NKAIN1: variants seen among roughly 807,000 people sequenced by gnomAD.
The protein encoded by NKAIN1 is sodium/potassium transporting ATPase interacting 1, also known as sodium/potassium-transporting ATPase subunit beta-1-interacting protein 1.
A neutral mutation model predicts 31.6 loss-of-function variants in NKAIN1; 13 were observed. The observed-to-expected ratio is 0.41, with a 90% CI of 0.27 to 0.65. The LOEUF (loss-of-function observed/expected upper bound fraction) is 0.65. NKAIN1 is among the 30% of genes least tolerant of loss of function. NKAIN1 has a pLI of 0.30. For missense variants in NKAIN1, 193 were observed against 262.2 expected (o/e 0.74, Z 1.82); for synonymous variants, 104 against 109.0 (o/e 0.95, Z 0.28).
intron 1 of NKAIN1, among the ~76,000 whole-genome samples, chr1:31,225,115 C>T (rs977250784): frequency 2.0e-5 from 3 of 148,722 alleles, no homozygotes; most frequent in African/African-American, 7.6e-5. Flanking sequence ...GCAAGCTCCA[C>T]CTCTTGGGTT....
At chr1:31,184,051 G>A (rs751583725) in intron 3 of NKAIN1, 37 bp from the exon 4 acceptor site, 3 of 1,582,036 alleles carry the variant, frequency 1.9e-6, no homozygotes, top group Non-Finnish European at 2.6e-6. Flanking sequence ...GAGTGTGAGG[G>A]AGAGGGAGGG....
intron 4 of NKAIN1, among the ~76,000 whole-genome samples, chr1:31,183,411 G>A (rs1478723728): frequency 6.7e-6 from 1 of 148,484 alleles, no homozygotes; most frequent in Non-Finnish European, 1.5e-5. Context: ...AGGACAGACA[G>A]GCGGAAGACC....
At chr1:31,218,750 C>A (rs1380287128) in intron 1 of NKAIN1, among the ~76,000 whole-genome samples, 1 of 152,236 alleles carries the variant, frequency 6.6e-6, no homozygotes, top group Non-Finnish European at 1.5e-5. Flanking sequence ...TCCCTGATAC[C>A]AACCAGCCCA....
At chr1:31,188,360 C>G (rs917151156) in intron 1 of NKAIN1, 173 bp from the exon 2 acceptor site, 1 of 687,322 alleles carries the variant, frequency 1.5e-6, no homozygotes, top group African/African-American at 1.8e-5. Flanking sequence ...TAAGCCTGAT[C>G]ATCACTTTGG....
chr1:31,192,928 G>C (rs1570454141), intron 1 of NKAIN1, among the ~76,000 whole-genome samples: 1 of 150,192 alleles, frequency 6.7e-6, no homozygotes, highest in Non-Finnish European at 1.5e-5. Context: ...CACTTTGGGA[G>C]GCCAAGGCCA....
chr1:31,232,424 T>TATAGAGAGAGAGAGAGAGAGAGAG (rs1313157898), intron 1 of NKAIN1, among the ~76,000 whole-genome samples: 1 of 16,908 alleles, frequency 5.9e-5, no homozygotes, highest in Non-Finnish European at 1.1e-4. Flanking sequence ...TATATATATA[T>TATAGAGAGAGAGAGAGAGAGAGAG]AGAGAGAGAG....
chr1:31,205,460 C>CA (rs1645416371), intron 1 of NKAIN1, among the ~76,000 whole-genome samples: 1 of 152,088 alleles, frequency 6.6e-6, no homozygotes, highest in African/African-American at 2.4e-5. Flanking sequence ...GGGCACGCCC[C>CA]ACCATGCCCA....
chr1:31,181,241 G>A lies in NKAIN1; in HGVS notation c.*462C>T. 1 of 163,602 alleles carries A rather than the reference G, an allele frequency of 6.1e-6. No homozygotes were observed. The highest frequency in any genetic ancestry group is 1.3e-5 in the Non-Finnish European group (1 of 76,034). 10.1% of individuals were successfully genotyped at this position (163,602 alleles called of 1,614,324 possible). A position where few individuals can be genotyped will look rare whatever the true frequency, so the allele number is the denominator to read the frequency against. On this transcript the variant is annotated 3_prime_UTR_variant, in exon 7 of 7. Coordinates refer to ENST00000373736, the MANE Select transcript of NKAIN1 (RefSeq NM_024522.3). The stretch of plus-strand genomic sequence containing the variant: ...AGACGTCACAGTCAGTGATGGACCT[G>A]CGATTAGAACCCAGGAATCCTGCTC...
At chr1:31,214,168 A>G (rs1421450606) in intron 1 of NKAIN1, among the ~76,000 whole-genome samples, 1 of 152,152 alleles carries the variant, frequency 6.6e-6, no homozygotes, top group East Asian at 1.9e-4. Context: ...TAGGTGAAGG[A>G]TAACAGTCAC....
At position 31,181,850 on chromosome 1, in the gene NKAIN1, C is replaced by G. The variant is rs756711244; in HGVS notation, c.614+10G>C. 6.2e-7 allele frequency: 1 copy of G among 1,602,276 alleles called. No individual in the cohort carries two copies. Among genetic ancestry groups the G allele is most frequent in the East Asian group, 2.2e-5 (1 of 44,568 alleles). ...AGGCCTCCCCAAGCCAGCAGGGGGC[C>G]GTGACCCACGTGTACAGAGGCTGCA... On this transcript the variant is annotated intron_variant, in intron 6 of 6. Transcript: ENST00000373736.
chr1:31,234,160 C>T (rs1252656367), intron 1 of NKAIN1, among the ~76,000 whole-genome samples: 1 of 152,210 alleles, frequency 6.6e-6, no homozygotes, highest in Non-Finnish European at 1.5e-5. Flanking sequence ...GTTGATCATC[C>T]CTGCCAACTC....
chr1:31,222,525 C>A (rs1470204639), intron 1 of NKAIN1, among the ~76,000 whole-genome samples: 1 of 152,296 alleles, frequency 6.6e-6, no homozygotes, highest in Non-Finnish European at 1.5e-5. Flanking sequence ...GGTGGTGACC[C>A]GTCACCAGTG....
intron 1 of NKAIN1, among the ~76,000 whole-genome samples, chr1:31,190,517 GTCCCATCTTGGCACCACCTTT>G (rs1209018460): frequency 1.3e-5 from 2 of 152,186 alleles, no homozygotes; most frequent in Non-Finnish European, 2.9e-5. Context: ...TCAGCCACCT[GTCCCATCTTGGCACCACCTTT>G]TCCCATCTTG....
chr1:31,185,218 C>T (rs772549946), intron 3 of NKAIN1, 29 bp downstream of exon 3: 8 of 1,583,276 alleles, frequency 5.1e-6, no homozygotes, highest in Admixed American at 3.5e-5. Context: ...CAGGCTCTGC[C>T]CTATGGCACT....
intron 1 of NKAIN1, among the ~76,000 whole-genome samples, chr1:31,203,478 A>AAAC (rs1399551291): frequency 6.6e-6 from 1 of 152,102 alleles, no homozygotes; most frequent in Non-Finnish European, 1.5e-5. Context: ...CATAACAACA[A>AAAC]AACAAAGAAT....
At chr1:31,190,972 C>A (rs1443699278) in intron 1 of NKAIN1, among the ~76,000 whole-genome samples, 2 of 152,188 alleles carry the variant, frequency 1.3e-5, no homozygotes, top group Non-Finnish European at 2.9e-5. Context: ...GCTCATGGTG[C>A]AGCTGAGGAG....
intron 1 of NKAIN1, among the ~76,000 whole-genome samples, chr1:31,201,363 T>TA (rs1397465321): frequency 2.0e-5 from 3 of 150,220 alleles, no homozygotes; most frequent in Non-Finnish European, 4.5e-5. Context: ...CTACCCTATT[T>TA]TTTTTTTTTT....
intron 1 of NKAIN1, among the ~76,000 whole-genome samples, chr1:31,237,741 C>T (rs977351091): frequency 6.6e-6 from 1 of 152,052 alleles, no homozygotes; most frequent in Non-Finnish European, 1.5e-5. Flanking sequence ...GGTGATCTGC[C>T]CATCTCGCCC....
At chr1:31,182,472 C>T in intron 5 of NKAIN1, 58 bp downstream of exon 5, 1 of 1,598,366 alleles carries the variant, frequency 6.3e-7, no homozygotes, top group Non-Finnish European at 8.6e-7. Flanking sequence ...AGGCCTCTGT[C>T]CAGGGTGCTG....
Sources: allele counts gnomAD v4.1 joint callset (sites outside exome capture counted in the v4.1 genomes callset), GRCh38; gene constraint gnomAD v4.1.1; transcripts MANE v1.5; gene names NCBI Gene and HGNC (gene_info 2026-07-23, HGNC 2026-07-21).